RANBP17: variants seen among roughly 807,000 people sequenced by gnomAD.
RANBP17 encodes ran-binding protein 17.
A neutral mutation model predicts 141.2 loss-of-function variants in RANBP17; 158 were observed. That is an observed-to-expected ratio of 1.12 (90% CI 0.98 to 1.28). RANBP17 has a LOEUF of 1.28. Ranked by LOEUF, RANBP17 falls within the 50% of genes most tolerant of loss-of-function variation. The probability of loss-of-function intolerance (pLI) is 0.00; values close to 1 mark genes in which losing one functional copy is unlikely to be tolerated. For synonymous variants in RANBP17, 430 were observed against 450.0 expected (o/e 0.96, Z 0.56); for missense variants, 1,438 against 1,290.7 (o/e 1.11, Z -1.75).
chr5:171,282,389 C>T (rs1249954038), intron 25 of RANBP17, among the ~76,000 whole-genome samples: 1 of 152,176 alleles, frequency 6.6e-6, no homozygotes, highest in Non-Finnish European at 1.5e-5. Context: ...GACGAAGGCA[C>T]AGGAGCCAAG....
chr5:171,059,265 T>G (rs1238573725), intron 14 of RANBP17, among the ~76,000 whole-genome samples: 1 of 152,216 alleles, frequency 6.6e-6, no homozygotes, highest in African/African-American at 2.4e-5. Context: ...TGGTAATGCC[T>G]AGGTTTTCTT....
intron 14 of RANBP17, among the ~76,000 whole-genome samples, chr5:171,152,604 T>A (rs1348442949): frequency 6.6e-6 from 1 of 152,116 alleles, no homozygotes; most frequent in Non-Finnish European, 1.5e-5. Flanking sequence ...ATAATCTAGC[T>A]CCATCTACTG....
At position 170,953,712 on chromosome 5, in the gene RANBP17, A is replaced by G; in HGVS notation, c.1574+10A>G. ...GAGAATTATCCTGTCGGTAAGTAAGAGCTATGTAATTTACTGAAATTCACT... is the reference window on the plus strand; with the variant it reads ...GAGAATTATCCTGTCGGTAAGTAAGGGCTATGTAATTTACTGAAATTCACT... On this transcript the variant is annotated intron_variant, in intron 13 of 27. Transcript: ENST00000523189. 2 of 1,529,640 alleles carry G rather than the reference A, an allele frequency of 1.3e-6. No homozygotes were observed. The highest frequency in any genetic ancestry group is 1.8e-6 in the Non-Finnish European group (2 of 1,105,926). The allele number at this position is 1,529,640 out of a possible 1,614,324, so 94.8% of individuals were successfully genotyped here.
chr5:171,077,343 A>T (rs1293520908), intron 14 of RANBP17, among the ~76,000 whole-genome samples: 1 of 152,174 alleles, frequency 6.6e-6, no homozygotes, highest in East Asian at 1.9e-4. Flanking sequence ...CCATCTCAAA[A>T]AAAAAAAGAA....
At chr5:171,104,746 A>C (rs1754659397) in intron 14 of RANBP17, among the ~76,000 whole-genome samples, 1 of 152,238 alleles carries the variant, frequency 6.6e-6, no homozygotes. Context: ...GGGAATAATA[A>C]TACTTACCTT....
At chr5:171,204,742 T>C (rs745627014) in intron 19 of RANBP17, among the ~76,000 whole-genome samples, 19 of 152,192 alleles carry the variant, frequency 1.2e-4, no homozygotes, top group Admixed American at 2.0e-4. Context: ...AGTCAAGTTT[T>C]TGTTTTTTTT....
chr5:171,025,038 T>C (rs1374586743), intron 14 of RANBP17, among the ~76,000 whole-genome samples: 1 of 152,234 alleles, frequency 6.6e-6, no homozygotes, highest in African/African-American at 2.4e-5. Flanking sequence ...ATCTATTGCT[T>C]ATGTCAGTAC....
chr5:171,081,248 C>T (rs776143073), intron 14 of RANBP17, among the ~76,000 whole-genome samples: 6 of 152,040 alleles, frequency 3.9e-5, no homozygotes, highest in Non-Finnish European at 7.4e-5. Context: ...CCTTTTCCCC[C>T]TAGTCAGTAA....
At chr5:171,221,953 A>G (rs889141185) in intron 22 of RANBP17, 113 bp downstream of exon 22, 1 of 710,410 alleles carries the variant, frequency 1.4e-6, no homozygotes, top group Non-Finnish European at 2.3e-6. Flanking sequence ...GAATTTGTGA[A>G]GTCGGTAATA....
chr5:171,268,782 C>G (rs1381177561), intron 25 of RANBP17, among the ~76,000 whole-genome samples: 1 of 152,134 alleles, frequency 6.6e-6, no homozygotes. Context: ...CAGTATTGTC[C>G]CATAAACTTT....
chr5:171,274,580 TAA>T (rs1429240112), intron 25 of RANBP17, among the ~76,000 whole-genome samples: 1 of 152,230 alleles, frequency 6.6e-6, no homozygotes, highest in African/African-American at 2.4e-5. Context: ...TATTGATTTA[TAA>T]GTCATCAAAT....
intron 14 of RANBP17, among the ~76,000 whole-genome samples, chr5:171,119,525 A>G (rs867960314): frequency 6.6e-5 from 10 of 152,310 alleles, no homozygotes; most frequent in Middle Eastern, 3.4e-3. Flanking sequence ...CTTCAGTACT[A>G]TTTTGAATAA....
At chr5:170,984,021 A>G (rs1410655641) in intron 14 of RANBP17, among the ~76,000 whole-genome samples, 1 of 152,206 alleles carries the variant, frequency 6.6e-6, no homozygotes, top group African/African-American at 2.4e-5. Flanking sequence ...CCCAGTGAGC[A>G]TTACAGAGCC....
chr5:171,193,894 G>C (rs1761809496), intron 18 of RANBP17, among the ~76,000 whole-genome samples: 1 of 152,134 alleles, frequency 6.6e-6, no homozygotes, highest in Non-Finnish European at 1.5e-5. Flanking sequence ...TATACTTACA[G>C]GTTCCAAGAA....
At position 171,053,173 on chromosome 5, in the gene RANBP17, A is replaced by AT. The variant is rs78082905; in HGVS notation, c.1710+84808dup. Among the ~76,000 whole-genome samples, 90 of 147,636 alleles carry AT rather than the reference A, an allele frequency of 6.1e-4. 1 individual carries two copies. The South Asian group carries it at 0.013, about 21-fold the overall frequency. On this transcript the variant is annotated intron_variant, in intron 14 of 27. Coordinates refer to ENST00000523189, the MANE Select transcript of RANBP17 (RefSeq NM_022897.5). Reference sequence around the variant, plus strand: ...TAATTTCTTTCAACAATGCCTTAGAATTTTTTTTTTTTAATTAGGCAAGTT... The same window carrying AT: ...TAATTTCTTTCAACAATGCCTTAGAATTTTTTTTTTTTTAATTAGGCAAGTT...
In RANBP17 at chr5:170,881,852, T is replaced by A. The variant is rs1768724055; in HGVS notation, c.212T>A (p.Val71Asp). ...LLAATCLSKL[V>D]SRVSPLPVEQ... Reference sequence around the variant, plus strand: ...GCAGCAACATGTCTTTCAAAACTTGTCAGCCGAGTCAGTCCTTTACCTGTT... The same window carrying A: ...GCAGCAACATGTCTTTCAAAACTTGACAGCCGAGTCAGTCCTTTACCTGTT... Residue 71 changes from valine to aspartate, a missense_variant, in exon 3 of 28, where the codon GTC becomes GAC. Physicochemically the swap from Val to Asp is radical, Grantham distance 152. Transcript: ENST00000523189. 6.2e-7 allele frequency: 1 copy of A among 1,610,274 alleles called. No homozygotes were observed.
At chr5:170,881,495 T>C (rs536409007) in intron 2 of RANBP17, among the ~76,000 whole-genome samples, 3 of 152,332 alleles carry the variant, frequency 2.0e-5, no homozygotes, top group South Asian at 4.1e-4. Flanking sequence ...CCAGATGATG[T>C]AGGGCTGTAG....
intron 14 of RANBP17, chr5:171,158,271 T>C (rs1184258289): frequency 5.6e-6 from 1 of 177,576 alleles, no homozygotes. Context: ...ATGTTTCTTT[T>C]GAAGGAGTCT....
At chr5:171,286,721 A>C (rs1227641791) in intron 25 of RANBP17, among the ~76,000 whole-genome samples, 4 of 152,226 alleles carry the variant, frequency 2.6e-5, no homozygotes, top group African/African-American at 9.6e-5. Flanking sequence ...TATCCGCTGT[A>C]CACATGGCCT....
Sources: gnomAD v4.1 joint callset for allele counts (sites outside exome capture counted in the v4.1 genomes callset) on GRCh38, gnomAD v4.1.1 for gene constraint, MANE v1.5 for transcripts, NCBI Gene and HGNC (gene_info 2026-07-23, HGNC 2026-07-21) for gene names.